The following NOL4 variants were observed in gnomAD, a reference collection of about 807,000 sequenced individuals.
NOL4 encodes the protein cancer/testis antigen 125.
Under a neutral mutation model 75.9 loss-of-function variants are expected in NOL4, and 17 were observed. The ratio of observed to expected loss-of-function variants is 0.22; its 90% CI spans 0.15 to 0.34. The LOEUF (loss-of-function observed/expected upper bound fraction) is 0.34. NOL4 is among the 10% of genes least tolerant of loss of function. NOL4 has a pLI of 1.00. For missense variants in NOL4, 614 were observed against 793.5 expected (o/e 0.77, Z 2.72); for synonymous variants, 292 against 289.9 (o/e 1.01, Z -0.07).
chr18:33,915,300 G>A (rs1321201227), intron 9 of NOL4, among the ~76,000 whole-genome samples: 1 of 152,098 alleles, frequency 6.6e-6, no homozygotes, highest in Non-Finnish European at 1.5e-5. Context: ...TCAAAGGAGA[G>A]AATTTGGCAA....
chr18:34,092,303 TCTA>T (rs1367924216), intron 5 of NOL4, among the ~76,000 whole-genome samples: 1 of 152,164 alleles, frequency 6.6e-6, no homozygotes, highest in Non-Finnish European at 1.5e-5. Context: ...AAATTGCTTT[TCTA>T]CTACAATAGC....
rs567398303 is a variant in NOL4 at position 33,961,493 on chromosome 18, T to C, written c.1057-3075A>G. Reference sequence around the variant, plus strand: ...TCAAACTTGAACTGAACTCCACCACTGGCTTTCCTGGATATTCAGCTTGCA... The same window carrying C: ...TCAAACTTGAACTGAACTCCACCACCGGCTTTCCTGGATATTCAGCTTGCA... On this transcript the variant is annotated intron_variant, in intron 6 of 10. Transcript: ENST00000261592. Among the ~76,000 whole-genome samples, 5 of 152,246 alleles carry C rather than the reference T, an allele frequency of 3.3e-5. No homozygotes were observed. In the South Asian group the frequency reaches 1.0e-3, roughly 32 times the overall value.
chr18:34,182,579 A>G (rs1030877749), intron 1 of NOL4, among the ~76,000 whole-genome samples: 1 of 151,728 alleles, frequency 6.6e-6, no homozygotes, highest in Non-Finnish European at 1.5e-5. Context: ...ATAAAAATCA[A>G]TACACTGATA....
intron 1 of NOL4, among the ~76,000 whole-genome samples, chr18:34,175,453 A>G (rs1194432372): frequency 6.6e-6 from 1 of 152,202 alleles, no homozygotes; most frequent in African/African-American, 2.4e-5. Flanking sequence ...GAAAAAATCC[A>G]TAGATTCTTG....
chr18:33,885,221 T>A (rs2064564233), intron 9 of NOL4, among the ~76,000 whole-genome samples: 1 of 152,116 alleles, frequency 6.6e-6, no homozygotes, highest in Non-Finnish European at 1.5e-5. Context: ...GAAATTGGTG[T>A]ATGAACTAGA....
At chr18:33,880,093 C>T (rs763076660) in intron 10 of NOL4, among the ~76,000 whole-genome samples, 1 of 152,024 alleles carries the variant, frequency 6.6e-6, no homozygotes, top group African/African-American at 2.4e-5. Context: ...TGAGGTTGAA[C>T]AACTTTATAA....
chr18:34,057,375 C>T (rs1359101492), intron 5 of NOL4, among the ~76,000 whole-genome samples: 4 of 152,122 alleles, frequency 2.6e-5, no homozygotes, highest in African/African-American at 7.2e-5. Flanking sequence ...AAAAACTATG[C>T]GGTTTCTGTT....
chr18:34,194,426 GGGAA>G lies in NOL4; in HGVS notation c.264+28560_264+28563del, dbSNP rs796904055. Among the ~76,000 whole-genome samples, 618 of 128,086 alleles carry G rather than the reference GGGAA, an allele frequency of 4.8e-3. 11 individuals are homozygous for G. The highest frequency in any genetic ancestry group is 0.017 in the African/African-American group (563 of 33,888). The allele number at this position is 128,086 out of a possible 152,430, so 84.0% of individuals were successfully genotyped here. A position where few individuals can be genotyped will look rare whatever the true frequency, so the allele number is the denominator to read the frequency against. On this transcript the variant is annotated intron_variant, in intron 1 of 10. Coordinates refer to ENST00000261592, the MANE Select transcript of NOL4 (RefSeq NM_003787.5). ...AAAAAGGTAGGGAAGGAGGGAGGGA[GGGAA>G]GGAAGGAAGGAAGGAAGGAAGGAAG...
At chr18:34,221,994 C>T in intron 1 of NOL4, 5 of 1,521,538 alleles carry the variant, frequency 3.3e-6, no homozygotes, top group African/African-American at 1.4e-5. Flanking sequence ...TAGCCTCCCC[C>T]ATCCCTACTC....
chr18:34,056,561 G>A (rs914078852), intron 5 of NOL4, among the ~76,000 whole-genome samples: 24 of 152,086 alleles, frequency 1.6e-4, no homozygotes, highest in Admixed American at 1.3e-4. Context: ...TCAGTGCTAT[G>A]ATATAGAAAC....
chr18:33,993,993 T>C (rs1407964694), intron 6 of NOL4, among the ~76,000 whole-genome samples: 1 of 151,706 alleles, frequency 6.6e-6, no homozygotes, highest in Admixed American at 6.6e-5. Flanking sequence ...CATAAAAGGT[T>C]GAGTGGCTAC....
intron 5 of NOL4, among the ~76,000 whole-genome samples, chr18:34,039,337 G>T (rs2076043954): frequency 2.0e-5 from 3 of 151,930 alleles, no homozygotes; most frequent in African/African-American, 4.8e-5. Flanking sequence ...TCATAGGTCT[G>T]GGTGGCTTTT....
chr18:34,036,909 G>C (rs546717902), intron 5 of NOL4, among the ~76,000 whole-genome samples: 3 of 152,252 alleles, frequency 2.0e-5, no homozygotes, highest in Admixed American at 2.0e-4. Context: ...TCCTGCCTGG[G>C]CAATAGAGTG....
At chr18:33,872,039 T>C (rs1011506759) in intron 10 of NOL4, among the ~76,000 whole-genome samples, 2 of 151,798 alleles carry the variant, frequency 1.3e-5, no homozygotes, top group Non-Finnish European at 2.9e-5. Flanking sequence ...CAAATAAGAA[T>C]CATCTCTCTG....
At chr18:33,874,660 T>C (rs1171716854) in intron 10 of NOL4, among the ~76,000 whole-genome samples, 1 of 151,864 alleles carries the variant, frequency 6.6e-6, no homozygotes, top group Non-Finnish European at 1.5e-5. Flanking sequence ...TTCAGCAAAA[T>C]GGTGGGGAGA....
In NOL4 at chr18:33,909,940, G is replaced by A. The variant is rs191035031; in HGVS notation, c.1543-26516C>T. On this transcript the variant is annotated intron_variant, in intron 9 of 10. Coordinates refer to ENST00000261592, the MANE Select transcript of NOL4 (RefSeq NM_003787.5). Reference sequence around the variant, plus strand: ...TGTTCAAGAGGGAAGGTCTTTCTGAGAAAAACATGTAAACCGATAAGCCAT... The same window carrying A: ...TGTTCAAGAGGGAAGGTCTTTCTGAAAAAAACATGTAAACCGATAAGCCAT... 4.6e-5 allele frequency among the ~76,000 whole-genome samples: 7 copies of A among 152,092 alleles called. No individual in the cohort carries two copies. In the South Asian group the frequency reaches 1.4e-3, roughly 31 times the overall value.
intron 9 of NOL4, among the ~76,000 whole-genome samples, chr18:33,910,975 T>C (rs1370241487): frequency 1.3e-5 from 2 of 152,164 alleles, no homozygotes; most frequent in Non-Finnish European, 2.9e-5. Context: ...ACAGCATCAT[T>C]CTTTAACCTC....
chr18:34,137,727 A>T (rs2080950971), intron 1 of NOL4, among the ~76,000 whole-genome samples: 1 of 151,798 alleles, frequency 6.6e-6, no homozygotes, highest in Non-Finnish European at 1.5e-5. Flanking sequence ...ACAAAAAGTT[A>T]AACATAGACT....
Position 34,049,401 on chromosome 18 carries a change from C to T in NOL4, c.773-29800G>A, listed in dbSNP as rs1422754872. Among the ~76,000 whole-genome samples, 9 of 151,888 alleles carry T rather than the reference C, an allele frequency of 5.9e-5. No homozygotes were observed. The South Asian group carries it at 1.5e-3, about 25-fold the overall frequency. The stretch of plus-strand genomic sequence containing the variant: ...TAAATTTTCTGGAAAATAATGAACA[C>T]GTATATTAATATATATTTTAAACAG... On this transcript the variant is annotated intron_variant, in intron 5 of 10. Coordinates refer to ENST00000261592, the MANE Select transcript of NOL4 (RefSeq NM_003787.5).
Sources: allele counts gnomAD v4.1 joint callset (sites outside exome capture counted in the v4.1 genomes callset), GRCh38; gene constraint gnomAD v4.1.1; transcripts MANE v1.5; gene names NCBI Gene and HGNC (gene_info 2026-07-23, HGNC 2026-07-21).